Variants in GPHN observed in about 807,000 individuals in gnomAD.
GPHN encodes gephyrin.
A neutral mutation model predicts 95.5 loss-of-function variants in GPHN; 17 were observed. The ratio of observed to expected loss-of-function variants is 0.18; its 90% CI spans 0.12 to 0.27. The LOEUF (loss-of-function observed/expected upper bound fraction) is 0.27, where lower values mean the gene tolerates loss of function less well. Among genes scored for constraint, GPHN ranks in the 10% least tolerant of loss-of-function variants. The pLI is 1.00. For missense variants in GPHN, 660 were observed against 978.1 expected, an observed-to-expected ratio of 0.67 and a Z score of 4.34; for synonymous variants, 320 against 322.5, an observed-to-expected ratio of 0.99 and a Z score of 0.08.
chr14:66,804,851 TCCTA>T (rs1340147222), intron 3 of GPHN, among the ~76,000 whole-genome samples: 4 of 152,216 alleles, frequency 2.6e-5, no homozygotes, highest in Admixed American at 2.6e-4. Flanking sequence ...ACATTTTGCA[TCCTA>T]CCCAGAAACA....
chr14:66,614,510 T>A (rs2062917301), intron 1 of GPHN, among the ~76,000 whole-genome samples: 1 of 152,038 alleles, frequency 6.6e-6, no homozygotes, highest in South Asian at 2.1e-4. Flanking sequence ...TACTTTTTGC[T>A]TTTCTACATG....
chr14:67,508,771 A>C, the GPHN span, among the ~76,000 whole-genome samples: 4 of 149,626 alleles, frequency 2.7e-5, no homozygotes, highest in African/African-American at 9.8e-5. Context: ...AAAAAAAAAA[A>C]CAGAAGACAA....
At chr14:67,594,403 C>G in the GPHN span, among the ~76,000 whole-genome samples, 1 of 152,178 alleles carries the variant, frequency 6.6e-6, no homozygotes, top group Admixed American at 6.5e-5. Flanking sequence ...ACTCCTAGCA[C>G]TTTGGGAGGC....
chr14:67,420,269 T>C, the GPHN span, among the ~76,000 whole-genome samples: 1 of 152,200 alleles, frequency 6.6e-6, no homozygotes, highest in African/African-American at 2.4e-5. Flanking sequence ...AGAGGCCCCC[T>C]GTCTCCATAC....
intron 11 of GPHN, among the ~76,000 whole-genome samples, chr14:67,076,995 A>T (rs1282825165): frequency 6.6e-6 from 1 of 152,140 alleles, no homozygotes; most frequent in African/African-American, 2.4e-5. Context: ...TAACTGTGGG[A>T]TTATTTTGAT....
the GPHN span, chr14:67,579,079 C>T: frequency 5.1e-5 from 67 of 1,315,156 alleles, no homozygotes; most frequent in Non-Finnish European, 3.3e-5. Context: ...ATCCGGGGTG[C>T]CAAAGTGGCA....
chr14:67,148,012 T>A (rs1229543992), intron 18 of GPHN, among the ~76,000 whole-genome samples: 6 of 152,164 alleles, frequency 3.9e-5, no homozygotes, highest in African/African-American at 1.4e-4. Context: ...TCCTAAATTT[T>A]GGTCTGATCT....
At chr14:67,621,808 C>CT in the GPHN span, among the ~76,000 whole-genome samples, 3 of 151,582 alleles carry the variant, frequency 2.0e-5, no homozygotes, top group Non-Finnish European at 4.4e-5. Context: ...ATTTGAATAC[C>CT]TTTATAAGCA....
chr14:67,669,270 AT>A, the GPHN span, among the ~76,000 whole-genome samples: 38,843 of 139,734 alleles, frequency 0.28, 5,586 homozygotes, highest in African/African-American at 0.46. Flanking sequence ...CTTCTTCATA[AT>A]TTTTTTTTTT....
the GPHN span, among the ~76,000 whole-genome samples, chr14:67,398,735 T>G: frequency 1.3e-5 from 2 of 152,266 alleles, no homozygotes; most frequent in East Asian, 1.9e-4. Context: ...TTTTAAATTT[T>G]TTTGTAAAGA....
At chr14:67,163,330 T>G (rs953098497) in intron 19 of GPHN, among the ~76,000 whole-genome samples, 1 of 151,812 alleles carries the variant, frequency 6.6e-6, no homozygotes, top group African/African-American at 2.4e-5. Flanking sequence ...TAAATAAAAA[T>G]AGATATTTTT....
At chr14:66,699,553 AGTT>A (rs2068371933) in intron 2 of GPHN, among the ~76,000 whole-genome samples, 2 of 152,254 alleles carry the variant, frequency 1.3e-5, no homozygotes, top group South Asian at 2.1e-4. Context: ...TGTTATAAGA[AGTT>A]GTTGTTGAAT....
At chr14:67,024,738 A>G (rs2073836876) in intron 10 of GPHN, among the ~76,000 whole-genome samples, 1 of 152,206 alleles carries the variant, frequency 6.6e-6, no homozygotes, top group Non-Finnish European at 1.5e-5. Flanking sequence ...ATTGCCAACC[A>G]GGGAAGCTCA....
chr14:67,448,929 G>A, the GPHN span, among the ~76,000 whole-genome samples: 1 of 152,202 alleles, frequency 6.6e-6, no homozygotes, highest in Non-Finnish European at 1.5e-5. Context: ...CTTCATGGCT[G>A]TGAAAGACCA....
chr14:67,160,502 A>G (rs958940739), intron 19 of GPHN, among the ~76,000 whole-genome samples: 2 of 152,184 alleles, frequency 1.3e-5, no homozygotes, highest in Admixed American at 1.3e-4. Context: ...AGTCAGTTAT[A>G]AATCCTCAAA....
intron 21 of GPHN, among the ~76,000 whole-genome samples, chr14:67,172,761 C>T (rs572866441): frequency 6.6e-6 from 1 of 152,272 alleles, no homozygotes; most frequent in African/African-American, 2.4e-5. Flanking sequence ...ATTGCCCCCA[C>T]CCCAGGGCCC....
At chr14:67,590,671 C>T in the GPHN span, among the ~76,000 whole-genome samples, 1 of 152,154 alleles carries the variant, frequency 6.6e-6, no homozygotes, top group Non-Finnish European at 1.5e-5. Flanking sequence ...CATGCAACTT[C>T]AATCTCTCAC....
At chr14:66,818,865 A>G (rs943059184) in intron 3 of GPHN, among the ~76,000 whole-genome samples, 1 of 152,182 alleles carries the variant, frequency 6.6e-6, no homozygotes, top group Non-Finnish European at 1.5e-5. Flanking sequence ...TTTTGTTCAT[A>G]TGCTTATAGG....
intron 3 of GPHN, among the ~76,000 whole-genome samples, chr14:66,817,368 A>G (rs2061016236): frequency 6.6e-6 from 1 of 152,146 alleles, no homozygotes; most frequent in African/African-American, 2.4e-5. Context: ...TAATACATCA[A>G]GCTTACCTTT....
Sources: allele counts gnomAD v4.1 joint callset (sites outside exome capture counted in the v4.1 genomes callset), GRCh38; gene constraint gnomAD v4.1.1; transcripts MANE v1.5; gene names NCBI Gene and HGNC (gene_info 2026-07-23, HGNC 2026-07-21).